KIRREL3: variants seen among roughly 807,000 people sequenced by gnomAD.
The protein encoded by KIRREL3 is kin of IRRE-like protein 3.
Under a neutral mutation model 89.7 loss-of-function variants are expected in KIRREL3, and 36 were observed. That is an observed-to-expected ratio of 0.40 (90% CI 0.31 to 0.53). The LOEUF (loss-of-function observed/expected upper bound fraction) is 0.53. Ranked by LOEUF, KIRREL3 falls within the 20% of genes least tolerant of loss-of-function variation. The pLI, the probability that KIRREL3 is intolerant of heterozygous loss-of-function variation, is 0.49. For synonymous variants in KIRREL3, 445 were observed against 441.4 expected (o/e 1.01, Z -0.10); for missense variants, 864 against 1,056.6 (o/e 0.82, Z 2.53).
At chr11:126,679,618 G>T (rs1946360046) in intron 1 of KIRREL3, among the ~76,000 whole-genome samples, 1 of 152,152 alleles carries the variant, frequency 6.6e-6, no homozygotes, top group Admixed American at 6.5e-5. Flanking sequence ...TTTGTAGACA[G>T]TTCATCTCAA....
rs1244778135 is a variant in KIRREL3 at position 126,987,191 on chromosome 11, G to T, written c.55+13264C>A. On this transcript the variant is annotated intron_variant, in intron 1 of 16. Transcript: ENST00000525144. This position sits in a 1 kb window ranked among gnomAD's most constrained non-coding sequence, Gnocchi z 4.6. ...ATTACCTGTCAGGAACACGCAAAGG[G>T]AGTCTACACCTAGAATTAAGGGGAT... Among the ~76,000 whole-genome samples, 1 of 151,840 alleles carries T rather than the reference G, an allele frequency of 6.6e-6. No homozygotes were observed. The highest frequency in any genetic ancestry group is 1.5e-5 in the Non-Finnish European group (1 of 67,948).
rs951654241 is a variant in KIRREL3, at chr11:126,977,831, G to A, written c.55+22624C>T. On this transcript the variant is annotated intron_variant, in intron 1 of 16. Transcript: ENST00000525144. The surrounding 1 kb of genome is among the most constrained non-coding windows in gnomAD (Gnocchi z 4.7). ...AACCAGTGTCTGGAGAGCTGAAGTTGTCAACCCTGGCTGGAACTGGCTCCT... is the reference window on the plus strand; with the variant it reads ...AACCAGTGTCTGGAGAGCTGAAGTTATCAACCCTGGCTGGAACTGGCTCCT... Among the ~76,000 whole-genome samples, 5 of 152,208 alleles carry A rather than the reference G, an allele frequency of 3.3e-5. No individual in the cohort carries two copies. Among genetic ancestry groups the A allele is most frequent in the African/African-American group, 1.2e-4 (5 of 41,454 alleles).
intron 1 of KIRREL3, among the ~76,000 whole-genome samples, chr11:126,585,170 T>C (rs1376609555): frequency 6.6e-6 from 1 of 150,710 alleles, no homozygotes; most frequent in Non-Finnish European, 1.5e-5. Flanking sequence ...CCGTCAGCCT[T>C]GGCCTTCCAA....
chr11:126,920,486 A>T (rs553914844), intron 1 of KIRREL3: 2 of 152,346 alleles, frequency 1.3e-5, no homozygotes, highest in South Asian at 4.1e-4. Flanking sequence ...TCTTCATGTG[A>T]AGAGATACTA....
At chr11:126,885,320 T>C (rs951202309) in intron 1 of KIRREL3, among the ~76,000 whole-genome samples, 1 of 152,188 alleles carries the variant, frequency 6.6e-6, no homozygotes, top group African/African-American at 2.4e-5. Flanking sequence ...TCTTCTACAG[T>C]GTCCATGTTG....
At chr11:126,658,909 C>CAAA (rs1945273526) in intron 1 of KIRREL3, among the ~76,000 whole-genome samples, 1 of 152,300 alleles carries the variant, frequency 6.6e-6, no homozygotes, top group African/African-American at 2.4e-5. Context: ...ATCTTTGGAG[C>CAAA]ATGGGAAGTT....
intron 1 of KIRREL3, among the ~76,000 whole-genome samples, chr11:126,849,027 T>C (rs1944245389): frequency 6.6e-6 from 1 of 152,166 alleles, no homozygotes; most frequent in South Asian, 2.1e-4. Context: ...CTGGATAAAA[T>C]AAGGCTAAGA....
chr11:126,492,543 AAGG>A lies in KIRREL3; in HGVS notation c.434-19080_434-19078del, dbSNP rs1433415955. 2.0e-5 allele frequency among the ~76,000 whole-genome samples: 3 copies of A among 152,046 alleles called. No homozygotes were observed. In the East Asian group the frequency reaches 5.8e-4, roughly 29 times the overall value. Reference sequence around the variant, plus strand: ...TAGGGGAGCATGGGGCTGGAGTGGGAAGGAGGAGGAGGAGGGATGAGGCTGCCA... The same window carrying A: ...TAGGGGAGCATGGGGCTGGAGTGGGAAGGAGGAGGAGGGATGAGGCTGCCA... On this transcript the variant is annotated intron_variant, in intron 4 of 16. Transcript: ENST00000525144. The surrounding 1 kb of genome is among the most constrained non-coding windows in gnomAD (Gnocchi z 4.8).
intron 1 of KIRREL3, among the ~76,000 whole-genome samples, chr11:126,799,707 A>AACCAG (rs1950970729): frequency 1.3e-5 from 2 of 152,084 alleles, no homozygotes; most frequent in Admixed American, 1.3e-4. Context: ...AACCAGAGAG[A>AACCAG]TGGCAGAACC....
chr11:126,478,033 C>G (rs888621514), intron 4 of KIRREL3, among the ~76,000 whole-genome samples: 3 of 152,238 alleles, frequency 2.0e-5, no homozygotes, highest in African/African-American at 7.2e-5. Context: ...TGCCTGCAAG[C>G]ACCAGCACTT....
intron 4 of KIRREL3, among the ~76,000 whole-genome samples, chr11:126,511,826 T>A (rs1489723203): frequency 1.3e-5 from 2 of 152,200 alleles, no homozygotes; most frequent in Non-Finnish European, 2.9e-5. Context: ...TTTAAATCCA[T>A]AATTTGCTGT....
rs1947610454 is a variant in KIRREL3, at chr11:126,924,441, A to C, written c.55+76014T>G. Among the ~76,000 whole-genome samples, 1 of 152,176 alleles carries C rather than the reference A, an allele frequency of 6.6e-6. No homozygotes were observed. The highest frequency in any genetic ancestry group is 1.5e-5 in the Non-Finnish European group (1 of 68,028). ...CAATGAAAAAATAATTGGGATCTAAAATAAAGAGGATTTCCAGGCACACGG... is the reference window on the plus strand; with the variant it reads ...CAATGAAAAAATAATTGGGATCTAACATAAAGAGGATTTCCAGGCACACGG... On this transcript the variant is annotated intron_variant, in intron 1 of 16. Coordinates refer to ENST00000525144, the MANE Select transcript of KIRREL3 (RefSeq NM_032531.4). The surrounding 1 kb of genome is among the most constrained non-coding windows in gnomAD (Gnocchi z 4.7).
At position 126,423,599 on chromosome 11, in the gene KIRREL3, G is replaced by C. The variant is rs556341484; in HGVS notation, c.*981C>G. The C allele has an allele frequency of 2.0e-5, 3 of 152,136 alleles. No individual in the cohort carries two copies. Among genetic ancestry groups the C allele is most frequent in the African/African-American group, 7.2e-5 (3 of 41,420 alleles). The allele number at this position is 152,136 out of a possible 1,614,324, so 9.4% of individuals were successfully genotyped here. A position where few individuals can be genotyped will look rare whatever the true frequency, so the allele number is the denominator to read the frequency against. On this transcript the variant is annotated 3_prime_UTR_variant, in exon 17 of 17. Transcript: ENST00000525144. ...GAGCCTTACTGAAGACAGGATCGCC[G>C]TTCTTGTGTTTATCAGCTGAGAAGG... is the stretch of plus-strand genomic sequence containing the variant.
chr11:126,648,485 C>T (rs1180915466), intron 1 of KIRREL3, among the ~76,000 whole-genome samples: 41 of 152,152 alleles, frequency 2.7e-4, no homozygotes, highest in Admixed American at 2.6e-3. Flanking sequence ...AATGTGCACC[C>T]CACGCCTATA....
At chr11:126,457,478 C>T (rs1591572141) in intron 6 of KIRREL3, among the ~76,000 whole-genome samples, 1 of 146,114 alleles carries the variant, frequency 6.8e-6, no homozygotes, top group East Asian at 2.1e-4. Flanking sequence ...TGTGTGTATG[C>T]TTATATGTAT....
chr11:126,773,256 C>T lies in KIRREL3; in HGVS notation c.56-210344G>A, dbSNP rs1276060507. 6.6e-6 allele frequency among the ~76,000 whole-genome samples: 1 copy of T among 152,154 alleles called. No homozygotes were observed. Among genetic ancestry groups the T allele is most frequent in the African/African-American group, 2.4e-5 (1 of 41,420 alleles). On this transcript the variant is annotated intron_variant, in intron 1 of 16. Coordinates refer to ENST00000525144, the MANE Select transcript of KIRREL3 (RefSeq NM_032531.4). This position sits in a 1 kb window ranked among gnomAD's most constrained non-coding sequence, Gnocchi z 4.2. ...GGTGTTTCAGGATGAGGTTAACACT[C>T]TTGAATCAGGGGACTGAGTGAAGTC...
intron 1 of KIRREL3, among the ~76,000 whole-genome samples, chr11:126,851,818 A>G (rs906635263): frequency 6.6e-6 from 1 of 152,086 alleles, no homozygotes; most frequent in African/African-American, 2.4e-5. Flanking sequence ...CATTTCTCTG[A>G]GCTCCCTGGA....
rs577790496 is a variant in KIRREL3, at chr11:126,979,639, G to C, written c.55+20816C>G. ...TATTATCCACTAGAGAGATGACCTG[G>C]GGAAAATGTCTTAACCTCACTAAGA... On this transcript the variant is annotated intron_variant, in intron 1 of 16. Coordinates refer to ENST00000525144, the MANE Select transcript of KIRREL3 (RefSeq NM_032531.4). Among the ~76,000 whole-genome samples, 413 of 152,292 alleles carry C rather than the reference G, an allele frequency of 2.7e-3. 2 individuals are homozygous for C. Among genetic ancestry groups the C allele is most frequent in the African/African-American group, 9.3e-3 (388 of 41,550 alleles).
chr11:126,836,731 T>G (rs894322314), intron 1 of KIRREL3, among the ~76,000 whole-genome samples: 2 of 152,096 alleles, frequency 1.3e-5, no homozygotes, highest in Admixed American at 1.3e-4. Context: ...GTGCACAAGG[T>G]GGACGTTATC....
Sources: gnomAD v4.1 joint callset for allele counts (sites outside exome capture counted in the v4.1 genomes callset) on GRCh38, gnomAD v4.1.1 for gene constraint, Gnocchi (gnomAD v3.1) non-coding constraint, MANE v1.5 for transcripts, NCBI Gene and HGNC (gene_info 2026-07-23, HGNC 2026-07-21) for gene names.